Variants in RPSA2 observed in about 807,000 individuals in gnomAD.
The protein encoded by RPSA2 is small ribosomal subunit protein uS2B.
the RPSA2 span, among the ~76,000 whole-genome samples, chr19:23,811,136 A>T: frequency 6.6e-6 from 1 of 151,338 alleles, no homozygotes; most frequent in Non-Finnish European, 1.5e-5. Flanking sequence ...CTCCTGCCTC[A>T]GCCTCCCGAG....
the RPSA2 span, among the ~76,000 whole-genome samples, chr19:23,810,603 T>C: frequency 6.6e-6 from 1 of 152,062 alleles, no homozygotes; most frequent in African/African-American, 2.4e-5. Context: ...AAGAGAGAAT[T>C]TTCCCAGGTC....
the RPSA2 span, among the ~76,000 whole-genome samples, chr19:23,825,357 T>C: frequency 6.6e-6 from 1 of 152,230 alleles, no homozygotes; most frequent in East Asian, 1.9e-4. Context: ...GATTTTTTAG[T>C]ATTTATTATA....
the RPSA2 span, among the ~76,000 whole-genome samples, chr19:23,790,227 G>A: frequency 6.6e-6 from 1 of 152,060 alleles, no homozygotes; most frequent in Non-Finnish European, 1.5e-5. Flanking sequence ...TGGCACTTCT[G>A]ACCTCGTGAT....
the RPSA2 span, chr19:23,781,980 G>A: frequency 6.5e-6 from 1 of 154,562 alleles, no homozygotes; most frequent in Non-Finnish European, 1.4e-5. Flanking sequence ...CACCCAGGTG[G>A]TTTGAGTCTC....
chr19:23,811,876 AAC>A, the RPSA2 span, among the ~76,000 whole-genome samples: 50 of 145,688 alleles, frequency 3.4e-4, no homozygotes, highest in East Asian at 2.6e-3. Context: ...AAACATTTAA[AAC>A]AAAAAATTGT....
At chr19:23,759,521 G>GGTTTTTTTTTTTT in the RPSA2 span, among the ~76,000 whole-genome samples, 5 of 14,234 alleles carry the variant, frequency 3.5e-4, no homozygotes, top group Non-Finnish European at 7.9e-4. Flanking sequence ...TTATATATCA[G>GGTTTTTTTTTTTT]GTTTTTTTTT....
At chr19:23,855,907 G>A in the RPSA2 span, among the ~76,000 whole-genome samples, 1 of 152,140 alleles carries the variant, frequency 6.6e-6, no homozygotes, top group Admixed American at 6.6e-5. Flanking sequence ...CAAAGGTTTG[G>A]AGAGGGAAGA....
At chr19:23,762,137 C>T in the RPSA2 span, among the ~76,000 whole-genome samples, 146,458 of 149,708 alleles carry the variant, frequency 0.98, 71,731 homozygotes, top group Middle Eastern at 1. Context: ...AGGCTGGTCT[C>T]GAACTCCTGA....
the RPSA2 span, among the ~76,000 whole-genome samples, chr19:23,829,100 ATTATT>A: frequency 6.6e-6 from 1 of 152,130 alleles, no homozygotes; most frequent in Non-Finnish European, 1.5e-5. Flanking sequence ...CTTGTGTGAT[ATTATT>A]TTGACTCTTT....
the RPSA2 span, among the ~76,000 whole-genome samples, chr19:23,835,359 A>C: frequency 3.9e-5 from 6 of 152,100 alleles, no homozygotes; most frequent in Non-Finnish European, 7.4e-5. Flanking sequence ...TGTTTGTGTG[A>C]GTATAAATTT....
chr19:23,759,090 C>G, the RPSA2 span, among the ~76,000 whole-genome samples: 1 of 152,166 alleles, frequency 6.6e-6, no homozygotes, highest in Non-Finnish European at 1.5e-5. Context: ...AGGGCTCCCT[C>G]CCTGAGCTAA....
At chr19:23,800,212 T>TTTATTTTTA in the RPSA2 span, among the ~76,000 whole-genome samples, 1 of 150,764 alleles carries the variant, frequency 6.6e-6, no homozygotes, top group Non-Finnish European at 1.5e-5. Context: ...TTATTTTATT[T>TTTATTTTTA]TTTTTTATTT....
the RPSA2 span, among the ~76,000 whole-genome samples, chr19:23,850,623 G>A: frequency 2.0e-5 from 3 of 151,550 alleles, no homozygotes; most frequent in East Asian, 4.0e-4. Flanking sequence ...CCCAGACAGG[G>A]GATTGATGAT....
At chr19:23,801,550 T>C in the RPSA2 span, among the ~76,000 whole-genome samples, 2 of 152,194 alleles carry the variant, frequency 1.3e-5, no homozygotes, top group African/African-American at 4.8e-5. Flanking sequence ...TGCCAGTCTT[T>C]TTACTTATAA....
At chr19:23,829,635 C>A in the RPSA2 span, among the ~76,000 whole-genome samples, 2 of 152,096 alleles carry the variant, frequency 1.3e-5, no homozygotes, top group Non-Finnish European at 2.9e-5. Flanking sequence ...TTTTGTGGTA[C>A]CTTGGGGACT....
At chr19:23,844,364 C>G in the RPSA2 span, among the ~76,000 whole-genome samples, 5 of 152,130 alleles carry the variant, frequency 3.3e-5, no homozygotes, top group African/African-American at 1.2e-4. Flanking sequence ...GTATAGGTAT[C>G]ATTTTCACAT....
the RPSA2 span, chr19:23,809,529 A>T: frequency 6.6e-6 from 1 of 151,630 alleles, no homozygotes; most frequent in Non-Finnish European, 1.5e-5. Context: ...GTGTCCTCTA[A>T]TTTTTTTCAT....
chr19:23,827,759 G>A, the RPSA2 span: 12 of 1,585,676 alleles, frequency 7.6e-6, no homozygotes, highest in African/African-American at 1.5e-4. Context: ...GGTCATGCCT[G>A]ATCTGTACTT....
chr19:23,831,200 G>A, the RPSA2 span, among the ~76,000 whole-genome samples: 1 of 152,044 alleles, frequency 6.6e-6, no homozygotes, highest in Admixed American at 6.5e-5. Flanking sequence ...TGAAACAAGT[G>A]TCAGAAAAGG....
Sources: allele counts gnomAD v4.1 joint callset (sites outside exome capture counted in the v4.1 genomes callset), GRCh38; gene constraint gnomAD v4.1.1; transcripts MANE v1.5; gene names NCBI Gene and HGNC (gene_info 2026-07-23, HGNC 2026-07-21).